Variants in EIF4G2 observed in about 807,000 individuals in gnomAD.
EIF4G2 encodes the protein DAP-5.
A neutral mutation model predicts 117.7 loss-of-function variants in EIF4G2; 8 were observed. The observed-to-expected ratio is 0.07, with a 90% CI of 0.04 to 0.12. EIF4G2 has a LOEUF of 0.12. Ranked by LOEUF, EIF4G2 falls within the 10% of genes least tolerant of loss-of-function variation. The pLI is 1.00. For missense variants in EIF4G2, 812 were observed against 1,086.2 expected, an observed-to-expected ratio of 0.75 and a Z score of 3.55; for synonymous variants, 413 against 367.8, an observed-to-expected ratio of 1.12 and a Z score of -1.41.
intron 4 of EIF4G2, 58 bp downstream of exon 4, chr11:10,805,849 A>G (rs1174685400): frequency 6.2e-7 from 1 of 1,612,214 alleles, no homozygotes; most frequent in East Asian, 2.2e-5. Flanking sequence ...CAGCACACAC[A>G]CCAAACACAG....
Position 10,802,079 on chromosome 11 carries a change from T to A in EIF4G2, c.1269A>T (p.Gly423=). 1 of 1,614,282 alleles carries A rather than the reference T, an allele frequency of 6.2e-7. No homozygotes were observed. Among genetic ancestry groups the A allele is most frequent in the Non-Finnish European group, 8.5e-7 (1 of 1,180,050 alleles). Residue 423 remains glycine, a synonymous_variant, in exon 13 of 22, where the codon GGA becomes GGT. Transcript: ENST00000339995. ...TTTTCATAAACTTGCCTCCCATCTC[T>A]CCAAACTGCGATTGTGTGGGAGGCA...
At position 10,806,650 on chromosome 11, in the gene EIF4G2, T is replaced by G; in HGVS notation, c.107+170A>C. 9.5e-6 allele frequency: 6 copies of G among 634,258 alleles called. 1 individual carries two copies. The South Asian group carries it at 1.4e-4, about 15-fold the overall frequency. The allele number at this position is 634,258 out of a possible 1,614,324, so 39.3% of individuals were successfully genotyped here. A position where few individuals can be genotyped will look rare whatever the true frequency, so the allele number is the denominator to read the frequency against. ...GAGAGTCTCAACTCACTTAGAAAAT[T>G]TGGCTAAGGAATAATCAGGAACTGA... On this transcript the variant is annotated intron_variant, in intron 3 of 21. Transcript: ENST00000339995.
chr11:10,806,693 AC>A, intron 3 of EIF4G2, 126 bp downstream of exon 3: 1 of 979,198 alleles, frequency 1.0e-6, no homozygotes, highest in Non-Finnish European at 1.6e-6. Flanking sequence ...TATTTAGGAT[AC>A]CCAACAGAAA....
chr11:10,798,235 G>A (rs1847314923), intron 21 of EIF4G2, among the ~76,000 whole-genome samples: 1 of 152,170 alleles, frequency 6.6e-6, no homozygotes, highest in Non-Finnish European at 1.5e-5. Flanking sequence ...GAATCTCTAG[G>A]AATAGGCCTG....
Position 10,803,753 on chromosome 11 carries a change from A to G in EIF4G2, c.702+146T>C. 8.2e-7 allele frequency: 1 copy of G among 1,219,306 alleles called. No individual in the cohort carries two copies. The highest frequency in any genetic ancestry group is 2.4e-5 in the East Asian group (1 of 42,244). 75.5% of individuals were successfully genotyped at this position (1,219,306 alleles called of 1,614,324 possible). ...GATCAGTTCTAACTCTACTTTGTCA[A>G]ACACACCACGTATTTCAAATTATTC... On this transcript the variant is annotated intron_variant, in intron 8 of 21. Coordinates refer to ENST00000339995, the MANE Select transcript of EIF4G2 (RefSeq NM_001418.4). This position sits in a 1 kb window ranked among gnomAD's most constrained non-coding sequence, Gnocchi z 4.0.
At chr11:10,800,858 C>CA in intron 15 of EIF4G2, 23 bp from the exon 16 acceptor site, 1 of 1,612,204 alleles carries the variant, frequency 6.2e-7, no homozygotes, top group Non-Finnish European at 8.5e-7. Context: ...CAATGACAGA[C>CA]TTTTTTTAAA....
intron 1 of EIF4G2, 97 bp from the exon 2 acceptor site, chr11:10,807,478 C>T (rs1847613256): frequency 2.1e-6 from 3 of 1,407,058 alleles, no homozygotes; most frequent in Non-Finnish European, 2.8e-6. Flanking sequence ...GGCACTGTCA[C>T]TGCATTGCAG....
intron 1 of EIF4G2, chr11:10,808,476 C>T: frequency 8.0e-7 from 1 of 1,254,102 alleles, no homozygotes; most frequent in Non-Finnish European, 1.0e-6. Flanking sequence ...GCCATGACCG[C>T]ACGGCGGCCT....
In EIF4G2 at chr11:10,806,688, A is replaced by C. The variant is rs906769775; in HGVS notation, c.107+132T>G. 5.3e-5 allele frequency: 49 copies of C among 921,966 alleles called. No homozygotes were observed. The African/African-American group carries it at 7.4e-4, about 14-fold the overall frequency. 57.1% of individuals were successfully genotyped at this position (921,966 alleles called of 1,614,324 possible). The stretch of plus-strand genomic sequence containing the variant: ...AATCAGGAACTGATATTCTGTATTT[A>C]GGATACCCAACAGAAACCACGCCCC... On this transcript the variant is annotated intron_variant, in intron 3 of 21. Coordinates refer to ENST00000339995, the MANE Select transcript of EIF4G2 (RefSeq NM_001418.4).
chr11:10,801,703 C>T lies in EIF4G2; in HGVS notation c.1371G>A (p.Met457Ile). 1.2e-6 allele frequency: 2 copies of T among 1,614,182 alleles called. No individual in the cohort carries two copies. Among genetic ancestry groups the T allele is most frequent in the Non-Finnish European group, 1.7e-6 (2 of 1,180,032 alleles). ...GTCCTTTCTTAGAAAACCGAGGTGG[C>T]ATATCCTTCGACTGTCCTTGCAGCT... Residue 457 changes from methionine to isoleucine, a missense_variant, in exon 14 of 22, where the codon ATG becomes ATA. Physicochemically the swap from Met to Ile is conservative, Grantham distance 10 (BLOSUM62 1). Around this residue, in one of 4 missense-constraint regions of EIF4G2, gnomAD observed 571 missense variants for 642.3 expected, o/e 0.89. Transcript: ENST00000339995.
chr11:10,798,879 A>C, intron 21 of EIF4G2, 113 bp downstream of exon 21: 1 of 1,287,204 alleles, frequency 7.8e-7, no homozygotes. Flanking sequence ...AGGTGAAGAC[A>C]AACTACTAAC....
intron 14 of EIF4G2, 114 bp from the exon 15 acceptor site, chr11:10,801,201 T>C (rs1049513360): frequency 1.6e-5 from 23 of 1,451,568 alleles, no homozygotes; most frequent in Non-Finnish European, 1.9e-5. Context: ...ATTAAGCTTT[T>C]TGAAAAACTA....
At chr11:10,807,200 T>C (rs530008016) in intron 2 of EIF4G2, 55 bp downstream of exon 2, 1 of 1,571,194 alleles carries the variant, frequency 6.4e-7, no homozygotes, top group Non-Finnish European at 8.6e-7. Context: ...CTGTGTTAAC[T>C]ACTTTTTGAG....
intron 1 of EIF4G2, 64 bp downstream of exon 1, chr11:10,808,641 A>C: frequency 2.6e-6 from 1 of 388,206 alleles, no homozygotes; most frequent in South Asian, 3.2e-5. Context: ...ACTCGAGAAG[A>C]AGCGACCAGG....
chr11:10,804,637 G>T, intron 5 of EIF4G2: 1 of 635,910 alleles, frequency 1.6e-6, no homozygotes, highest in Non-Finnish European at 2.6e-6. Context: ...GCATTTCCAA[G>T]ACCTAAATAC....
rs114769989 is a variant in EIF4G2, at chr11:10,805,266, G to A, written c.249-251C>T. On this transcript the variant is annotated intron_variant, in intron 4 of 21. Transcript: ENST00000339995. ...TTTCTCACTTTCTCAAGGTTAGAGC[G>A]CAAAGATCTCATTATCAAGGCTAGA... Among the ~76,000 whole-genome samples, 830 of 152,214 alleles carry A rather than the reference G, an allele frequency of 5.5e-3. 8 individuals carry two copies. The highest frequency in any genetic ancestry group is 0.019 in the African/African-American group (798 of 41,524).
In EIF4G2 at chr11:10,800,046, TATA is replaced by T. The variant is rs768969714; in HGVS notation, c.2119+41_2119+43del. 105 of 1,587,844 alleles carry T rather than the reference TATA, an allele frequency of 6.6e-5. 1 individual carries two copies. The South Asian group carries it at 1.2e-3, about 18-fold the overall frequency. ...ACTCAAGGTACCTGAAATCTCTAGA[TATA>T]ATATTAAAAAAACAAAACAAACAAG... is the stretch of plus-strand genomic sequence containing the variant. On this transcript the variant is annotated intron_variant, in intron 18 of 21. Transcript: ENST00000339995.
At chr11:10,798,786 C>A (rs1426267119) in intron 21 of EIF4G2, 4 of 565,194 alleles carry the variant, frequency 7.1e-6, no homozygotes, top group Non-Finnish European at 1.2e-5. Context: ...TTAGCTACCT[C>A]TAACATCTTA....
At chr11:10,801,504 TG>T in intron 14 of EIF4G2, 156 bp downstream of exon 14, 1 of 813,354 alleles carries the variant, frequency 1.2e-6, no homozygotes, top group Non-Finnish European at 2.2e-6. Context: ...CACAGGACGC[TG>T]GACATTCAAA....
Sources: gnomAD v4.1 joint callset for allele counts (sites outside exome capture counted in the v4.1 genomes callset) on GRCh38, gnomAD v4.1.1 for gene constraint, gnomAD v4.1.1 regional missense constraint, Gnocchi (gnomAD v3.1) non-coding constraint, MANE v1.5 for transcripts, NCBI Gene and HGNC (gene_info 2026-07-23, HGNC 2026-07-21) for gene names.